Variants in CHD6 observed in about 807,000 individuals in gnomAD.
The protein encoded by CHD6 is chromodomain helicase DNA binding protein 6.
In CHD6, 50 loss-of-function variants were observed where a neutral mutation model predicts 276.9. The observed-to-expected ratio is 0.18, with a 90% confidence interval of 0.14 to 0.23. The LOEUF is 0.23. CHD6 is among the 10% of genes least tolerant of loss of function. CHD6 has a pLI of 1.00. For missense variants in CHD6, 2,564 were observed against 3,365.8 expected, an observed-to-expected ratio of 0.76 and a Z score of 5.89; for synonymous variants, 1,173 against 1,229.3, an observed-to-expected ratio of 0.95 and a Z score of 0.96.
chr20:41,557,245 G>A (rs577218505), intron 1 of CHD6, among the ~76,000 whole-genome samples: 7 of 152,240 alleles, frequency 4.6e-5, no homozygotes, highest in East Asian at 3.9e-4. Flanking sequence ...GAGTGCTTCC[G>A]TAGGAGCACG....
chr20:41,603,786 G>T (rs1200070575), intron 1 of CHD6, among the ~76,000 whole-genome samples: 1 of 151,982 alleles, frequency 6.6e-6, no homozygotes, highest in African/African-American at 2.4e-5. Flanking sequence ...AGAATCACTT[G>T]AACCCAGGGG....
rs116463949 is a variant in CHD6 at position 41,446,661 on chromosome 20, T to C, written c.3774-893A>G. On this transcript the variant is annotated intron_variant, in intron 24 of 36. Coordinates refer to ENST00000373233, the MANE Select transcript of CHD6 (RefSeq NM_032221.5). ...CTAGTCCCAGCTCCCTCTGTGGGGATAGTGTTTCCTGACCCCCACCTTTCC... is the reference window on the plus strand; with the variant it reads ...CTAGTCCCAGCTCCCTCTGTGGGGACAGTGTTTCCTGACCCCCACCTTTCC... 3.0e-3 allele frequency among the ~76,000 whole-genome samples: 460 copies of C among 152,274 alleles called. 2 individuals are homozygous for C. Among genetic ancestry groups the C allele is most frequent in the African/African-American group, 0.01 (433 of 41,552 alleles).
At position 41,425,364 on chromosome 20, in the gene CHD6, G is replaced by T; in HGVS notation, c.4160C>A (p.Pro1387His). Residue 1387 changes from proline to histidine, a missense_variant, in exon 29 of 37, where the codon CCC becomes CAC. Around this residue, in one of 7 missense-constraint regions of CHD6, gnomAD observed 515 missense variants for 739.5 expected, o/e 0.70. Coordinates refer to ENST00000373233, the MANE Select transcript of CHD6 (RefSeq NM_032221.5). ...TGTGAGGGCGGAGGAAACTGGCCAG[G>T]GCGATTTGTCTGGGTCGGAGCCATC... ...AQDGSDPDKS[P>H]WPVSSALTAR... 6.2e-7 allele frequency: 1 copy of T among 1,614,138 alleles called. No homozygotes were observed. The highest frequency in any genetic ancestry group is 8.5e-7 in the Non-Finnish European group (1 of 1,180,028).
At chr20:41,453,353 T>A (rs941896132) in intron 20 of CHD6, among the ~76,000 whole-genome samples, 5 of 152,226 alleles carry the variant, frequency 3.3e-5, no homozygotes, top group African/African-American at 1.2e-4. Flanking sequence ...GAGAATTCCA[T>A]CTGCTCAGCA....
chr20:41,542,171 G>T (rs1445620346), intron 2 of CHD6, among the ~76,000 whole-genome samples: 1 of 152,186 alleles, frequency 6.6e-6, no homozygotes, highest in African/African-American at 2.4e-5. Context: ...CACCAACAAA[G>T]GCCAGGAGAT....
At chr20:41,481,799 T>C (rs542133277) in intron 16 of CHD6, among the ~76,000 whole-genome samples, 4 of 152,060 alleles carry the variant, frequency 2.6e-5, no homozygotes, top group Admixed American at 2.0e-4. Flanking sequence ...ACATAGATCA[T>C]TAAAATTTTG....
chr20:41,484,809 A>G (rs1454399930), intron 14 of CHD6, among the ~76,000 whole-genome samples: 2 of 152,206 alleles, frequency 1.3e-5, no homozygotes, highest in Non-Finnish European at 2.9e-5. Context: ...TTTAATTCAC[A>G]AGCAATTACT....
At chr20:41,451,180 C>T in intron 22 of CHD6, 75 bp from the exon 23 acceptor site, 1 of 1,357,322 alleles carries the variant, frequency 7.4e-7, no homozygotes, top group Admixed American at 1.8e-5. Flanking sequence ...AAGAGCTGGG[C>T]TGGGGTTTGT....
chr20:41,541,559 C>A (rs962476178), intron 2 of CHD6, among the ~76,000 whole-genome samples: 1 of 152,194 alleles, frequency 6.6e-6, no homozygotes. Context: ...TCCTGACACA[C>A]ACTAACGTTT....
intron 31 of CHD6, among the ~76,000 whole-genome samples, chr20:41,418,684 T>G (rs946588742): frequency 1.3e-5 from 2 of 152,094 alleles, no homozygotes; most frequent in Non-Finnish European, 2.9e-5. Flanking sequence ...ACCAATTAAT[T>G]ACTGCTCCTT....
intron 1 of CHD6, among the ~76,000 whole-genome samples, chr20:41,607,616 T>C (rs562017859): frequency 1.3e-5 from 2 of 152,072 alleles, no homozygotes; most frequent in East Asian, 3.9e-4. Context: ...GGGAGAGAGA[T>C]TGCTTCAAGC....
intron 24 of CHD6, among the ~76,000 whole-genome samples, 187 bp from the exon 25 acceptor site, chr20:41,445,955 A>T (rs1026174727): frequency 1.3e-5 from 2 of 152,246 alleles, no homozygotes; most frequent in South Asian, 2.1e-4. Context: ...TGATTTAAGC[A>T]TAAGTACTTG....
In CHD6 at chr20:41,404,642, G is replaced by C; in HGVS notation, c.8099C>G (p.Ala2700Gly). Reference sequence around the variant, plus strand: ...TTTGAGTGCCCCCTCCCCAGCCTGTGCCCCATGTTCTCTCTCTGCGGGCAA... The same window carrying C: ...TTTGAGTGCCCCCTCCCCAGCCTGTCCCCCATGTTCTCTCTCTGCGGGCAA... ...APLPAEREHGAQAGEGALKDS... is the reference protein window; with the variant it reads ...APLPAEREHGGQAGEGALKDS... Residue 2700 changes from alanine to glycine, a missense_variant, in exon 37 of 37, where the codon GCA (alanine) becomes GGA (glycine). Physicochemically the swap from Ala to Gly is moderately conservative, Grantham distance 60. Around this residue, in one of 7 missense-constraint regions of CHD6, gnomAD observed 238 missense variants for 266.0 expected, o/e 0.89. Transcript: ENST00000373233. 6.6e-7 allele frequency: 1 copy of C among 1,516,846 alleles called. No homozygotes were observed. The highest frequency in any genetic ancestry group is 8.8e-7 in the Non-Finnish European group (1 of 1,132,568). 94.0% of individuals were successfully genotyped at this position (1,516,846 alleles called of 1,614,324 possible).
chr20:41,530,951 T>G (rs994629646), intron 3 of CHD6, among the ~76,000 whole-genome samples: 10 of 152,344 alleles, frequency 6.6e-5, no homozygotes, highest in African/African-American at 2.4e-4. Flanking sequence ...TCATACAGCC[T>G]AATTAGATCA....
intron 27 of CHD6, among the ~76,000 whole-genome samples, chr20:41,434,869 C>A (rs1046549490): frequency 3.9e-5 from 6 of 152,212 alleles, no homozygotes; most frequent in Admixed American, 3.3e-4. Context: ...CATTGACCAA[C>A]AGGACCTAGT....
At chr20:41,523,874 C>A (rs55827945) in intron 3 of CHD6, among the ~76,000 whole-genome samples, 4,600 of 152,176 alleles carry the variant, frequency 0.03, 91 homozygotes, top group Middle Eastern at 0.071. Flanking sequence ...CCCGTGGACT[C>A]CAGGTATTGA....
At chr20:41,567,440 G>A (rs2045368013) in intron 1 of CHD6, among the ~76,000 whole-genome samples, 1 of 152,108 alleles carries the variant, frequency 6.6e-6, no homozygotes, top group Admixed American at 6.5e-5. Flanking sequence ...ACCACCCTGG[G>A]GGAGACTTAA....
chr20:41,562,617 G>C (rs2146188606), intron 1 of CHD6, among the ~76,000 whole-genome samples: 1 of 152,122 alleles, frequency 6.6e-6, no homozygotes, highest in South Asian at 2.1e-4. Flanking sequence ...TCAGGCAAAA[G>C]AAAGTCTGTA....
chr20:41,412,757 G>C (rs1325662047), intron 35 of CHD6, among the ~76,000 whole-genome samples: 1 of 152,192 alleles, frequency 6.6e-6, no homozygotes, highest in Non-Finnish European at 1.5e-5. Flanking sequence ...AACCAAAAAA[G>C]ACATCTGTGC....
Sources: allele counts gnomAD v4.1 joint callset (sites outside exome capture counted in the v4.1 genomes callset), GRCh38; gene constraint gnomAD v4.1.1; regional missense constraint gnomAD v4.1.1; transcripts MANE v1.5; gene names NCBI Gene and HGNC (gene_info 2026-07-23, HGNC 2026-07-21).